The following ZNF747 variants were observed in gnomAD, a reference collection of about 807,000 sequenced individuals.
ZNF747 encodes the protein KRAB domain-containing protein ZNF747.
In ZNF747, 14 loss-of-function variants were observed where a neutral mutation model predicts 13.4. That is an observed-to-expected ratio of 1.04 (90% CI 0.69 to 1.63). The LOEUF is 1.63. Ranked by LOEUF, ZNF747 falls within the 40% of genes most tolerant of loss-of-function variation. The pLI, the probability that ZNF747 is intolerant of heterozygous loss-of-function variation, is 0.00. For synonymous variants in ZNF747, 212 were observed against 206.5 expected (o/e 1.03, Z -0.23); for missense variants, 532 against 477.9 (o/e 1.11, Z -1.05).
In ZNF747 at chr16:30,533,389, G is replaced by A. The variant is rs1597123360; in HGVS notation, c.344-238C>T. Among the ~76,000 whole-genome samples, 3 of 152,258 alleles carry A rather than the reference G, an allele frequency of 2.0e-5. No homozygotes were observed. The East Asian group carries it at 5.8e-4, about 29-fold the overall frequency. On this transcript the variant is annotated intron_variant, in intron 2 of 2. Coordinates refer to ENST00000693075, the MANE Select transcript of ZNF747 (RefSeq NM_001305018.2). ...GGGCAGAGATGACGTGAACATCTGG[G>A]CCTGATCTGGAATAAGAAGCGGACA...
rs2051432748 is a variant in ZNF747, at chr16:30,534,723, G to C, written c.-44C>G. ...GGCATGCGGAACCTCCCGCGCCCGA[G>C]AACACTTCCCCGGCCCGGTACCAAG... On this transcript the variant is annotated 5_prime_UTR_variant, in exon 1 of 3. Coordinates refer to ENST00000693075, the MANE Select transcript of ZNF747 (RefSeq NM_001305018.2). 2.0e-6 allele frequency: 3 copies of C among 1,476,214 alleles called. No homozygotes were observed. The highest frequency in any genetic ancestry group is 2.7e-6 in the Non-Finnish European group (3 of 1,116,154). 91.4% of individuals were successfully genotyped at this position (1,476,214 alleles called of 1,614,324 possible). A position where few individuals can be genotyped will look rare whatever the true frequency, so the allele number is the denominator to read the frequency against.
At position 30,534,267 on chromosome 16, in the gene ZNF747, C is replaced by G. The variant is rs368177890; in HGVS notation, c.273G>C (p.Glu91Asp). ...SKPALISWVE[E>D]KAELWDPAAQ... is the part of the protein sequence containing the mutation. Reference sequence around the variant, plus strand: ...CAGCCGGATCCCACAGTTCGGCCTTCTCCTCCACCCAGGAGATGAGCGCCG... The same window carrying G: ...CAGCCGGATCCCACAGTTCGGCCTTGTCCTCCACCCAGGAGATGAGCGCCG... The change falls in exon 2 of 3, where the codon GAG (glutamate) becomes GAC (aspartate). Residue 91 changes from glutamate (E) to aspartate (D), a missense_variant. By Grantham distance (45) the Glu-to-Asp change is conservative (BLOSUM62 2). Coordinates refer to ENST00000693075, the MANE Select transcript of ZNF747 (RefSeq NM_001305018.2). 1.4e-5 allele frequency: 22 copies of G among 1,597,858 alleles called. No individual in the cohort carries two copies. In the African/African-American group the frequency reaches 2.7e-4, roughly 20 times the overall value.
chr16:30,532,333 A>G lies in ZNF747; in HGVS notation c.*166T>C. 3.9e-6 allele frequency: 3 copies of G among 767,142 alleles called. No individual in the cohort carries two copies. In the South Asian group the frequency reaches 5.3e-5, roughly 14 times the overall value. 47.5% of individuals were successfully genotyped at this position (767,142 alleles called of 1,614,324 possible). A position where few individuals can be genotyped will look rare whatever the true frequency, so the allele number is the denominator to read the frequency against. On this transcript the variant is annotated 3_prime_UTR_variant, in exon 3 of 3. Transcript: ENST00000693075. The stretch of plus-strand genomic sequence containing the variant: ...GGAGAGCCCAGGGCAGCGGGGAGCA[A>G]GGTGCTGGCAGAAGAGGCTGCTGAG...
At position 30,531,134 on chromosome 16, in the gene ZNF747, T is replaced by C. The variant is rs1400963051; in HGVS notation, c.*1365A>G. The C allele has an allele frequency of 6.6e-6, 1 of 152,216 alleles. No homozygotes were observed. The highest frequency in any genetic ancestry group is 1.5e-5 in the Non-Finnish European group (1 of 68,046). 9.4% of individuals were successfully genotyped at this position (152,216 alleles called of 1,614,324 possible). ...TTGACACAGACATGGGTTCAAGAAA[T>C]ACTTCCCTTTCTTCTTTGCTGTACT... is the stretch of plus-strand genomic sequence containing the variant. On this transcript the variant is annotated 3_prime_UTR_variant, in exon 3 of 3. Coordinates refer to ENST00000693075, the MANE Select transcript of ZNF747 (RefSeq NM_001305018.2).
Position 30,531,525 on chromosome 16 carries a change from C to T in ZNF747, c.*974G>A. ...GACAATGAAGGCCAGTGCAGTGGCT[C>T]CCCTGTAATCCCAGCACTTTGGGAG... On this transcript the variant is annotated 3_prime_UTR_variant, in exon 3 of 3. Coordinates refer to ENST00000693075, the MANE Select transcript of ZNF747 (RefSeq NM_001305018.2). 1 of 152,218 alleles carries T rather than the reference C, an allele frequency of 6.6e-6. No individual in the cohort carries two copies. The highest frequency in any genetic ancestry group is 1.9e-4 in the East Asian group (1 of 5,200). 9.4% of individuals were successfully genotyped at this position (152,218 alleles called of 1,614,324 possible). A position where few individuals can be genotyped will look rare whatever the true frequency, so the allele number is the denominator to read the frequency against.
In ZNF747 at chr16:30,530,497, T is replaced by TGA. The variant is rs1339293302; in HGVS notation, c.*2000_*2001dup. 1 of 152,294 alleles carries TGA rather than the reference T, an allele frequency of 6.6e-6. No individual in the cohort carries two copies. The highest frequency in any genetic ancestry group is 2.4e-5 in the African/African-American group (1 of 41,538). 9.4% of individuals were successfully genotyped at this position (152,294 alleles called of 1,614,324 possible). ...TGTGTTGAGGGTTAGGGGAGGGGACTGAGATGTACACTGGAAATTAAAACC... is the reference window on the plus strand; with the variant it reads ...TGTGTTGAGGGTTAGGGGAGGGGACTGAGAGATGTACACTGGAAATTAAAACC... On this transcript the variant is annotated 3_prime_UTR_variant, in exon 3 of 3. Coordinates refer to ENST00000693075, the MANE Select transcript of ZNF747 (RefSeq NM_001305018.2). This position sits in a 1 kb window ranked among gnomAD's most constrained non-coding sequence, Gnocchi z 4.4.
chr16:30,534,063 C>T, intron 2 of ZNF747, 134 bp downstream of exon 2: 2 of 1,315,974 alleles, frequency 1.5e-6, no homozygotes, highest in South Asian at 3.2e-5. Context: ...CAGGCAGGGG[C>T]TCAGCCTCCT....
In ZNF747 at chr16:30,534,502, C is replaced by A. The variant is rs772744836; in HGVS notation, c.178G>T (p.Ala60Ser). ...EWGCLRPAQR[A>S]LYRDVMRETY... ...TCCCGCATCACGTCCCGGTACAGGG[C>A]CCTCTGCGCGGGCCGCAGGCAGCCC... Residue 60 changes from alanine (A) to serine (S), a missense_variant, in exon 1 of 3, where the codon GCC becomes TCC. By Grantham distance (99) the Ala-to-Ser change is moderately conservative (BLOSUM62 1). Coordinates refer to ENST00000693075, the MANE Select transcript of ZNF747 (RefSeq NM_001305018.2). 2 of 1,608,936 alleles carry A rather than the reference C, an allele frequency of 1.2e-6. No homozygotes were observed. Among genetic ancestry groups the A allele is most frequent in the African/African-American group, 1.3e-5 (1 of 74,802 alleles).
intron 2 of ZNF747, 70 bp from the exon 3 acceptor site, chr16:30,533,221 C>A: frequency 6.3e-7 from 1 of 1,595,420 alleles, no homozygotes; most frequent in South Asian, 1.1e-5. Context: ...CCCGCGTGGA[C>A]AGGGACAGGC....
chr16:30,532,311 G>A lies in ZNF747; in HGVS notation c.*188C>T. ...CTGCCTCAGCAAAGGGGGCCTTGGAGAGCCCAGGGCAGCGGGGAGCAAGGT... is the reference window on the plus strand; with the variant it reads ...CTGCCTCAGCAAAGGGGGCCTTGGAAAGCCCAGGGCAGCGGGGAGCAAGGT... On this transcript the variant is annotated 3_prime_UTR_variant, in exon 3 of 3. Transcript: ENST00000693075. 1.5e-6 allele frequency: 1 copy of A among 668,986 alleles called. No individual in the cohort carries two copies. Among genetic ancestry groups the A allele is most frequent in the Non-Finnish European group, 2.5e-6 (1 of 397,930 alleles). The allele number at this position is 668,986 out of a possible 1,614,324, so 41.4% of individuals were successfully genotyped here.
In ZNF747 at chr16:30,532,452, C is replaced by T; in HGVS notation, c.*47G>A. ...CGCTGCAGAGGTTCGGGCCCCTGAG[C>T]CCATCTCGGGCCGCCCACAATGTCT... On this transcript the variant is annotated 3_prime_UTR_variant, in exon 3 of 3. Coordinates refer to ENST00000693075, the MANE Select transcript of ZNF747 (RefSeq NM_001305018.2). 2 of 1,555,612 alleles carry T rather than the reference C, an allele frequency of 1.3e-6. No individual in the cohort carries two copies. Among genetic ancestry groups the T allele is most frequent in the South Asian group, 1.2e-5 (1 of 85,220 alleles).
Position 30,532,444 on chromosome 16 carries a change from C to G in ZNF747, c.*55G>C. 3.2e-6 allele frequency: 5 copies of G among 1,545,820 alleles called. No individual in the cohort carries two copies. The South Asian group carries it at 4.7e-5, about 15-fold the overall frequency. On this transcript the variant is annotated 3_prime_UTR_variant, in exon 3 of 3. Coordinates refer to ENST00000693075, the MANE Select transcript of ZNF747 (RefSeq NM_001305018.2). Reference sequence around the variant, plus strand: ...CTGCAGGCCGCTGCAGAGGTTCGGGCCCCTGAGCCCATCTCGGGCCGCCCA... The same window carrying G: ...CTGCAGGCCGCTGCAGAGGTTCGGGGCCCTGAGCCCATCTCGGGCCGCCCA...
chr16:30,534,823 C>T lies in ZNF747; in HGVS notation c.-144G>A. ...AAACTAAGGGCCGATGGCTGCGAGT[C>T]CATGGTCAGAACTGGACGATGTCTT... On this transcript the variant is annotated 5_prime_UTR_variant, in exon 1 of 3. Transcript: ENST00000693075. 2 of 1,258,772 alleles carry T rather than the reference C, an allele frequency of 1.6e-6. No homozygotes were observed. The highest frequency in any genetic ancestry group is 1.6e-5 in the South Asian group (1 of 63,534). The allele number at this position is 1,258,772 out of a possible 1,614,324, so 78.0% of individuals were successfully genotyped here.
chr16:30,532,808 C>T lies in ZNF747; in HGVS notation c.687G>A (p.Arg229=), dbSNP rs1406127816. 2 of 1,569,682 alleles carry T rather than the reference C, an allele frequency of 1.3e-6. No homozygotes were observed. Among genetic ancestry groups the T allele is most frequent in the South Asian group, 1.2e-5 (1 of 86,484 alleles). Residue 229 remains arginine (R), a synonymous_variant, in exon 3 of 3, where the codon CGG becomes CGA. Transcript: ENST00000693075. ...FGHASSLSKH[R]AIHRGERPHR... ...GGGGCCGCTCCCCACGATGGATGGC[C>T]CGGTGTTTGCTCAGGGAGGAAGCGT...
intron 2 of ZNF747, among the ~76,000 whole-genome samples, chr16:30,533,377 G>A (rs981890862): frequency 2.6e-5 from 4 of 152,176 alleles, no homozygotes; most frequent in African/African-American, 4.8e-5. Context: ...CAGAGATGAC[G>A]TGAACATCTG....
rs1316267348 is a variant in ZNF747 at position 30,533,138 on chromosome 16, G to C, written c.357C>G (p.Asn119Lys). The C allele has an allele frequency of 1.9e-6, 3 of 1,612,246 alleles. No homozygotes were observed. The highest frequency in any genetic ancestry group is 2.5e-6 in the Non-Finnish European group (3 of 1,180,014). The change falls in exon 3 of 3, where the codon AAC becomes AAG. Residue 119 changes from asparagine to lysine, a missense_variant. Asn to Lys is a moderately conservative substitution (Grantham distance 94). Transcript: ENST00000693075. The part of the protein sequence containing the change: ...PTEADPADSR[N>K]KEEERQREGT... ...CTTCCCTTTGTCTTTCCTCTTCCTT[G>C]TTTCTGGAATCTGCTGAAAGATAAG...
chr16:30,534,450 C>G lies in ZNF747; in HGVS notation c.229+1G>C. 6 of 1,585,374 alleles carry G rather than the reference C, an allele frequency of 3.8e-6. No individual in the cohort carries two copies. Among genetic ancestry groups the G allele is most frequent in the Non-Finnish European group, 5.1e-6 (6 of 1,166,984 alleles). ...CCCAGGCAAGCAGGTGGGGCTCTCACCGAGCGCGCCCAGGTGGCCGTAGGT... is the reference window on the plus strand; with the variant it reads ...CCCAGGCAAGCAGGTGGGGCTCTCAGCGAGCGCGCCCAGGTGGCCGTAGGT... On this transcript the variant is annotated splice_donor_variant, in intron 1 of 2. Transcript: ENST00000693075. LOFTEE classifies it high-confidence loss of function.
rs1315986159 is a variant in ZNF747 at position 30,531,158 on chromosome 16, C to CT, written c.*1340dup. On this transcript the variant is annotated 3_prime_UTR_variant, in exon 3 of 3. Coordinates refer to ENST00000693075, the MANE Select transcript of ZNF747 (RefSeq NM_001305018.2). ...ATACTTCCCTTTCTTCTTTGCTGTA[C>CT]TTTAAGATAAACACCAAAAACACTA... The CT allele has an allele frequency of 6.6e-6, 1 of 152,190 alleles. No homozygotes were observed. Among genetic ancestry groups the CT allele is most frequent in the African/African-American group, 2.4e-5 (1 of 41,444 alleles). 9.4% of individuals were successfully genotyped at this position (152,190 alleles called of 1,614,324 possible).
chr16:30,534,737 C>T lies in ZNF747; in HGVS notation c.-58G>A, dbSNP rs1010931311. 2.7e-6 allele frequency: 4 copies of T among 1,463,458 alleles called. No homozygotes were observed. In the African/African-American group the frequency reaches 5.7e-5, roughly 21 times the overall value. The allele number at this position is 1,463,458 out of a possible 1,614,324, so 90.7% of individuals were successfully genotyped here. On this transcript the variant is annotated 5_prime_UTR_variant, in exon 1 of 3. Coordinates refer to ENST00000693075, the MANE Select transcript of ZNF747 (RefSeq NM_001305018.2). ...CCCGCGCCCGAGAACACTTCCCCGGCCCGGTACCAAGGGAAGGAGGGACGT... is the reference window on the plus strand; with the variant it reads ...CCCGCGCCCGAGAACACTTCCCCGGTCCGGTACCAAGGGAAGGAGGGACGT...
Sources: gnomAD v4.1 joint callset for allele counts (sites outside exome capture counted in the v4.1 genomes callset) on GRCh38, gnomAD v4.1.1 for gene constraint, Gnocchi (gnomAD v3.1) non-coding constraint, MANE v1.5 for transcripts, NCBI Gene and HGNC (gene_info 2026-07-23, HGNC 2026-07-21) for gene names.